The following USP32 variants were observed in gnomAD, a reference collection of about 807,000 sequenced individuals.
The protein encoded by USP32 is ubiquitin carboxyl-terminal hydrolase 32.
A neutral mutation model predicts 204.8 loss-of-function variants in USP32; 59 were observed. That is an observed-to-expected ratio of 0.29 (90% CI 0.23 to 0.36). The LOEUF (loss-of-function observed/expected upper bound fraction) is 0.36. Ranked by LOEUF, USP32 falls within the 10% of genes least tolerant of loss-of-function variation. The probability of loss-of-function intolerance (pLI) is 1.00; values close to 1 mark genes in which losing one functional copy is unlikely to be tolerated. For synonymous variants in USP32, 517 were observed against 678.4 expected (o/e 0.76, Z 3.70); for missense variants, 1,160 against 1,946.4 (o/e 0.60, Z 7.60).
chr17:60,267,965 T>C (rs2086636886), intron 7 of USP32, among the ~76,000 whole-genome samples: 1 of 152,028 alleles, frequency 6.6e-6, no homozygotes, highest in Non-Finnish European at 1.5e-5. Flanking sequence ...TGCCTGCCAC[T>C]GCACCCAGTT....
intron 1 of USP32, among the ~76,000 whole-genome samples, chr17:60,353,970 T>A (rs1177700841): frequency 6.6e-6 from 1 of 152,198 alleles, no homozygotes; most frequent in Non-Finnish European, 1.5e-5. Flanking sequence ...ACAGAATGGA[T>A]GTTGTCATTA....
chr17:60,181,378 A>G lies in USP32; in HGVS notation c.4494T>C (p.Asp1498=). The change falls in exon 32 of 34, where the codon GAT becomes GAC. Residue 1498 remains aspartate (D), a synonymous_variant. Coordinates refer to ENST00000300896, the MANE Select transcript of USP32 (RefSeq NM_032582.4). ...TAATACGAGTATCTTCTCTTTGGTC[A>G]TCAGTGCTGTCTTCTTCACTGTGGT... ...LGNHSEEDST[D]DQREDTRIKP... The G allele has an allele frequency of 6.2e-7, 1 of 1,613,958 alleles. No individual in the cohort carries two copies. The highest frequency in any genetic ancestry group is 8.5e-7 in the Non-Finnish European group (1 of 1,179,876).
At chr17:60,228,646 C>T (rs1333811782) in intron 12 of USP32, among the ~76,000 whole-genome samples, 3 of 150,388 alleles carry the variant, frequency 2.0e-5, no homozygotes, top group Non-Finnish European at 3.0e-5. Flanking sequence ...GGATAGATCC[C>T]GTCTTTACAA....
Position 60,339,532 on chromosome 17 carries a change from G to C in USP32, c.186+5949C>G, listed in dbSNP as rs186983144. Among the ~76,000 whole-genome samples the C allele has an allele frequency of 7.5e-5, 11 of 147,404 alleles. No homozygotes were observed. The East Asian group carries it at 1.6e-3, about 21-fold the overall frequency. The stretch of plus-strand genomic sequence containing the variant: ...TGGGAGGCGGAGTTTGCAGTGAGCT[G>C]AGATCATGCTGTTGCACTCCACCCT... On this transcript the variant is annotated intron_variant, in intron 2 of 33. Transcript: ENST00000300896.
intron 11 of USP32, among the ~76,000 whole-genome samples, chr17:60,251,441 A>G (rs1467335809): frequency 2.0e-5 from 3 of 152,172 alleles, no homozygotes; most frequent in Non-Finnish European, 4.4e-5. Flanking sequence ...ATTTTAGTAA[A>G]CTCCCATCTA....
chr17:60,295,199 C>T (rs148847752), intron 3 of USP32, among the ~76,000 whole-genome samples: 1 of 148,250 alleles, frequency 6.7e-6, no homozygotes, highest in East Asian at 2.0e-4. Context: ...GTACAAAATA[C>T]AAGATGTTCA....
At chr17:60,200,172 C>T (rs187974570) in intron 26 of USP32, among the ~76,000 whole-genome samples, 93 of 151,068 alleles carry the variant, frequency 6.2e-4, no homozygotes, top group South Asian at 2.5e-3. Flanking sequence ...CCAGCCTGGC[C>T]GACAACAGCA....
At chr17:60,257,399 C>T (rs1404497559) in intron 9 of USP32, among the ~76,000 whole-genome samples, 1 of 152,208 alleles carries the variant, frequency 6.6e-6, no homozygotes, top group Non-Finnish European at 1.5e-5. Context: ...GTAAACTCTA[C>T]TTAGCCATAT....
At position 60,178,662 on chromosome 17, in the gene USP32, A is replaced by C. The variant is rs888949457; in HGVS notation, c.*593T>G. On this transcript the variant is annotated 3_prime_UTR_variant, in exon 34 of 34. Transcript: ENST00000300896. The stretch of plus-strand genomic sequence containing the variant: ...GACTGGTTGTGTCTCAAACATAAAT[A>C]CAACGGCAAAAACAAAAAGCAAGAA... 2.0e-5 allele frequency among the ~76,000 whole-genome samples: 3 copies of C among 152,230 alleles called. No homozygotes were observed. The highest frequency in any genetic ancestry group is 2.9e-5 in the Non-Finnish European group (2 of 68,042).
At chr17:60,360,649 T>A (rs1023186361) in intron 1 of USP32, among the ~76,000 whole-genome samples, 1 of 152,086 alleles carries the variant, frequency 6.6e-6, no homozygotes, top group Non-Finnish European at 1.5e-5. Flanking sequence ...CACTCCAGCC[T>A]GGGCAACAGA....
rs562689199 is a variant in USP32 at position 60,206,371 on chromosome 17, C to G, written c.3037+650G>C. Among the ~76,000 whole-genome samples, 97 of 149,478 alleles carry G rather than the reference C, an allele frequency of 6.5e-4. 9 individuals are homozygous for G. Among genetic ancestry groups the G allele is most frequent in the African/African-American group, 2.4e-3 (93 of 38,862 alleles). ...TAAAAATGCATTATTCTCACTCACA[C>G]TAACCACATCTCAAGCGCTTAACAG... On this transcript the variant is annotated intron_variant, in intron 25 of 33. Coordinates refer to ENST00000300896, the MANE Select transcript of USP32 (RefSeq NM_032582.4).
In USP32 at chr17:60,277,695, CAAAATTA is replaced by C. The variant is rs1477061649; in HGVS notation, c.572-6221_572-6215del. On this transcript the variant is annotated intron_variant, in intron 5 of 33. Coordinates refer to ENST00000300896, the MANE Select transcript of USP32 (RefSeq NM_032582.4). Reference sequence around the variant, plus strand: ...AAAATGAATTATAAAGTCCCATCACCAAAATTAGAATTTTAACTACTTCAGAATCCAG... The same window carrying C: ...AAAATGAATTATAAAGTCCCATCACCGAATTTTAACTACTTCAGAATCCAG... 3.9e-5 allele frequency among the ~76,000 whole-genome samples: 6 copies of C among 152,204 alleles called. No homozygotes were observed. In the East Asian group the frequency reaches 1.2e-3, roughly 29 times the overall value.
At chr17:60,382,610 G>A (rs182382066) in intron 1 of USP32, among the ~76,000 whole-genome samples, 1 of 152,166 alleles carries the variant, frequency 6.6e-6, no homozygotes, top group Admixed American at 6.5e-5. Context: ...AAATCACCTG[G>A]ATTATTTAGA....
intron 5 of USP32, among the ~76,000 whole-genome samples, chr17:60,274,388 C>G (rs1386036934): frequency 6.6e-6 from 1 of 152,082 alleles, no homozygotes; most frequent in Non-Finnish European, 1.5e-5. Context: ...AAAATAATGG[C>G]TGAAAACTTT....
At chr17:60,384,987 C>A (rs939938957) in intron 1 of USP32, among the ~76,000 whole-genome samples, 26 of 152,134 alleles carry the variant, frequency 1.7e-4, no homozygotes, top group African/African-American at 6.3e-4. Context: ...GGCCTCTGAG[C>A]CCAAGCTAAG....
At chr17:60,361,191 A>G (rs2089199706) in intron 1 of USP32, among the ~76,000 whole-genome samples, 1 of 152,096 alleles carries the variant, frequency 6.6e-6, no homozygotes, top group South Asian at 2.1e-4. Context: ...CCACTACCAT[A>G]AAATCCTACT....
chr17:60,383,000 C>T (rs1433774159), intron 1 of USP32, among the ~76,000 whole-genome samples: 2 of 152,066 alleles, frequency 1.3e-5, no homozygotes, highest in Non-Finnish European at 2.9e-5. Flanking sequence ...GTAATCCCAG[C>T]ACTTTGGGAG....
intron 1 of USP32, among the ~76,000 whole-genome samples, chr17:60,376,939 G>C (rs1024595556): frequency 1.3e-5 from 2 of 152,166 alleles, no homozygotes; most frequent in Non-Finnish European, 1.5e-5. Context: ...AAAATCTTCT[G>C]AAGAGGTATT....
Position 60,211,034 on chromosome 17 carries a change from A to G in USP32, c.2403T>C (p.Asn801=). ...VQELWSGTQK[N]VAPLKLRWTI... is the part of the protein sequence containing the mutation. ...TTACCCGAAGCTTTAATGGGGCAAC[A>G]TTCTTCTGAGTTCCACTCCAAAGTT... The change falls in exon 21 of 34, where the codon AAT becomes AAC. Residue 801 remains asparagine (N), a synonymous_variant. Coordinates refer to ENST00000300896, the MANE Select transcript of USP32 (RefSeq NM_032582.4). The G allele has an allele frequency of 6.2e-7, 1 of 1,611,238 alleles. No homozygotes were observed.
Sources: allele counts gnomAD v4.1 joint callset (sites outside exome capture counted in the v4.1 genomes callset), GRCh38; gene constraint gnomAD v4.1.1; transcripts MANE v1.5; gene names NCBI Gene and HGNC (gene_info 2026-07-23, HGNC 2026-07-21).